Variants in RBFOX1 observed in about 807,000 individuals in gnomAD.
RBFOX1 encodes RNA binding fox-1 homolog 1.
Under a neutral mutation model 57.7 loss-of-function variants are expected in RBFOX1, and 8 were observed. The observed-to-expected ratio is 0.14, with a 90% CI of 0.08 to 0.25. RBFOX1 has a LOEUF of 0.25. RBFOX1 is among the 10% of genes least tolerant of loss of function. RBFOX1 has a pLI of 1.00. For missense variants in RBFOX1, 611 were observed against 548.5 expected, an observed-to-expected ratio of 1.11 and a Z score of -1.14; for synonymous variants, 326 against 222.4, an observed-to-expected ratio of 1.47 and a Z score of -4.15.
At chr16:6,847,782 T>C (rs2093837008) in intron 3 of RBFOX1, among the ~76,000 whole-genome samples, 1 of 152,094 alleles carries the variant, frequency 6.6e-6, no homozygotes, top group African/African-American at 2.4e-5. Context: ...GCTTAGAAAT[T>C]AAATAAAATC....
At chr16:7,425,442 A>C (rs2098601106) in intron 4 of RBFOX1, among the ~76,000 whole-genome samples, 2 of 152,196 alleles carry the variant, frequency 1.3e-5, no homozygotes, top group African/African-American at 4.8e-5. Flanking sequence ...TTCCTACTTG[A>C]GAAATTTCAA....
chr16:6,535,633 C>A (rs1715480315), intron 2 of RBFOX1, among the ~76,000 whole-genome samples: 1 of 152,180 alleles, frequency 6.6e-6, no homozygotes, highest in African/African-American at 2.4e-5. Flanking sequence ...ATGATCCCAT[C>A]CATCAACCGT....
intron 6 of RBFOX1, among the ~76,000 whole-genome samples, chr16:7,581,299 C>A (rs1312059689): frequency 6.6e-6 from 1 of 152,176 alleles, no homozygotes; most frequent in Non-Finnish European, 1.5e-5. Flanking sequence ...TCAAAGATGA[C>A]TTTGAAAAGT....
chr16:5,880,135 C>G (rs1471046708), intron 4 of RBFOX1, among the ~76,000 whole-genome samples: 1 of 152,204 alleles, frequency 6.6e-6, no homozygotes, highest in Non-Finnish European at 1.5e-5. Context: ...GCCTGGCACT[C>G]TTTTATGCAC....
intron 1 of RBFOX1, among the ~76,000 whole-genome samples, chr16:6,024,256 G>T (rs182328862): frequency 4.4e-4 from 67 of 152,272 alleles, no homozygotes; most frequent in Non-Finnish European, 6.6e-4. Flanking sequence ...GGTGAATAAG[G>T]CAGACGAGAA....
chr16:6,039,531 C>G (rs959846881), intron 1 of RBFOX1, among the ~76,000 whole-genome samples: 1 of 152,046 alleles, frequency 6.6e-6, no homozygotes, highest in Admixed American at 6.6e-5. Flanking sequence ...TTTTTCCCCT[C>G]TCATTTAAAG....
intron 4 of RBFOX1, among the ~76,000 whole-genome samples, chr16:7,105,789 GAT>G (rs200779064): frequency 3.6e-5 from 4 of 109,874 alleles, no homozygotes; most frequent in Non-Finnish European, 7.4e-5. Flanking sequence ...TGTATATAGA[GAT>G]AGATAGATAG....
At chr16:5,764,454 A>G (rs2053705692) in intron 3 of RBFOX1, among the ~76,000 whole-genome samples, 1 of 152,172 alleles carries the variant, frequency 6.6e-6, no homozygotes, top group Non-Finnish European at 1.5e-5. Context: ...TATTCTTATT[A>G]TTTATACTTT....
intron 5 of RBFOX1, among the ~76,000 whole-genome samples, chr16:7,571,093 C>T (rs1269219523): frequency 6.6e-6 from 1 of 152,100 alleles, no homozygotes. Flanking sequence ...GAAGGGAGAG[C>T]ATCAGGATAA....
At chr16:5,637,207 A>C (rs1303220024) in intron 3 of RBFOX1, among the ~76,000 whole-genome samples, 1 of 152,236 alleles carries the variant, frequency 6.6e-6, no homozygotes, top group South Asian at 2.1e-4. Context: ...GAAAGAAGCA[A>C]ATCAGCCTAA....
chr16:7,240,429 C>T (rs886570270), intron 4 of RBFOX1, among the ~76,000 whole-genome samples: 2 of 152,114 alleles, frequency 1.3e-5, no homozygotes, highest in African/African-American at 2.4e-5. Flanking sequence ...GGAAAATCTG[C>T]ATTTGATACA....
intron 1 of RBFOX1, among the ~76,000 whole-genome samples, chr16:5,250,368 C>G (rs561699937): frequency 1.3e-5 from 2 of 152,086 alleles, no homozygotes; most frequent in African/African-American, 4.8e-5. Context: ...AACCCATCAT[C>G]TAGGTTTTAA....
At chr16:7,027,165 TG>T (rs1354123189) in intron 3 of RBFOX1, among the ~76,000 whole-genome samples, 4 of 152,194 alleles carry the variant, frequency 2.6e-5, no homozygotes, top group African/African-American at 9.6e-5. Context: ...CTTACGAGAC[TG>T]AGTGTTTCCT....
At chr16:7,655,421 G>T (rs12444608) in intron 12 of RBFOX1, among the ~76,000 whole-genome samples, 1 of 152,032 alleles carries the variant, frequency 6.6e-6, no homozygotes, top group African/African-American at 2.4e-5. Context: ...AACAAACCAA[G>T]AATGAACTGG....
chr16:5,294,361 G>A (rs954539245), intron 1 of RBFOX1, among the ~76,000 whole-genome samples: 2 of 152,220 alleles, frequency 1.3e-5, no homozygotes, highest in African/African-American at 4.8e-5. Context: ...CTCCCCAGCT[G>A]ATTGTGGTGT....
chr16:5,982,710 C>T (rs1308373754), intron 4 of RBFOX1, among the ~76,000 whole-genome samples: 1 of 152,202 alleles, frequency 6.6e-6, no homozygotes, highest in Non-Finnish European at 1.5e-5. Context: ...GACTAATAAG[C>T]AGCCCCCTTG....
chr16:5,755,165 C>A (rs2053348604), intron 3 of RBFOX1, among the ~76,000 whole-genome samples: 1 of 124,432 alleles, frequency 8.0e-6, no homozygotes, highest in Non-Finnish European at 1.7e-5. Context: ...CCTGCACCGC[C>A]CTTAATCCAT....
At position 7,499,042 on chromosome 16, in the gene RBFOX1, C is replaced by T. The variant is rs535334728; in HGVS notation, c.28-19105C>T. 3.7e-3 allele frequency among the ~76,000 whole-genome samples: 570 copies of T among 152,192 alleles called. 1 individual carries two copies. Among genetic ancestry groups the T allele is most frequent in the South Asian group, 0.014 (65 of 4,814 alleles). ...AATACTAGGTCTTCCGTGACTAGCA[C>T]GTAATAGATGTATTAATTTCCCAGG... On this transcript the variant is annotated intron_variant, in intron 4 of 15. Coordinates refer to ENST00000550418, the MANE Select transcript of RBFOX1 (RefSeq NM_018723.4).
intron 3 of RBFOX1, among the ~76,000 whole-genome samples, chr16:6,923,253 G>A (rs940893107): frequency 6.6e-6 from 1 of 152,146 alleles, no homozygotes; most frequent in African/African-American, 2.4e-5. Context: ...TGGTATCCTG[G>A]CCAGGTGTGG....
Sources: gnomAD v4.1 joint callset for allele counts (sites outside exome capture counted in the v4.1 genomes callset) on GRCh38, gnomAD v4.1.1 for gene constraint, MANE v1.5 for transcripts, NCBI Gene and HGNC (gene_info 2026-07-23, HGNC 2026-07-21) for gene names.